Variants in SYN2 observed in about 807,000 individuals in gnomAD.
The protein encoded by SYN2 is synapsin-2.
A neutral mutation model predicts 50.9 loss-of-function variants in SYN2; 19 were observed. The observed-to-expected ratio is 0.37, with a 90% CI of 0.26 to 0.55. The LOEUF (loss-of-function observed/expected upper bound fraction) is 0.55, where lower values mean the gene tolerates loss of function less well. Among genes scored for constraint, SYN2 ranks in the 20% least tolerant of loss-of-function variants. The probability of loss-of-function intolerance (pLI) is 0.81; values close to 1 mark genes in which losing one functional copy is unlikely to be tolerated. For synonymous variants in SYN2, 255 were observed against 224.9 expected (o/e 1.13, Z -1.20); for missense variants, 587 against 576.4 (o/e 1.02, Z -0.19).
At chr3:12,095,680 C>T (rs892126929) in intron 1 of SYN2, among the ~76,000 whole-genome samples, 2 of 149,194 alleles carry the variant, frequency 1.3e-5, no homozygotes, top group African/African-American at 5.0e-5. Context: ...TCTTCTTTCC[C>T]CCTACTTGGT....
At chr3:12,120,685 C>T (rs1696536982) in intron 1 of SYN2, among the ~76,000 whole-genome samples, 1 of 152,170 alleles carries the variant, frequency 6.6e-6, no homozygotes, top group Non-Finnish European at 1.5e-5. Flanking sequence ...TTTTCACAGG[C>T]CTCTAGCCAC....
At chr3:12,152,140 C>G (rs1364037101) in intron 5 of SYN2, among the ~76,000 whole-genome samples, 1 of 152,158 alleles carries the variant, frequency 6.6e-6, no homozygotes, top group Non-Finnish European at 1.5e-5. Context: ...ACTTCCTTGG[C>G]CAAAAGGGGT....
At chr3:12,161,632 C>T (rs1697651982) in intron 6 of SYN2, 24 bp downstream of exon 6, 6 of 1,613,724 alleles carry the variant, frequency 3.7e-6, no homozygotes, top group Non-Finnish European at 5.1e-6. Context: ...GCCTGCTGTG[C>T]TTCAGGGTTG....
chr3:12,080,452 C>A (rs374459530), intron 1 of SYN2, among the ~76,000 whole-genome samples: 1 of 151,642 alleles, frequency 6.6e-6, no homozygotes, highest in Non-Finnish European at 1.5e-5. Flanking sequence ...GCTATAAATT[C>A]GCCTTTTAAC....
intron 1 of SYN2, among the ~76,000 whole-genome samples, chr3:12,096,418 C>G (rs913684445): frequency 6.6e-6 from 1 of 152,086 alleles, no homozygotes; most frequent in African/African-American, 2.4e-5. Context: ...TTCTGAGAAC[C>G]AGTCCAGAGC....
At chr3:12,021,178 T>G (rs1694126937) in intron 1 of SYN2, among the ~76,000 whole-genome samples, 1 of 152,208 alleles carries the variant, frequency 6.6e-6, no homozygotes, top group Non-Finnish European at 1.5e-5. Flanking sequence ...GACTTCCAAT[T>G]TTTCACCATT....
chr3:12,036,072 T>A (rs1694492254), intron 1 of SYN2, among the ~76,000 whole-genome samples: 1 of 152,220 alleles, frequency 6.6e-6, no homozygotes. Flanking sequence ...CCTGGAATTT[T>A]TCTTGAAGGA....
At chr3:12,116,069 A>G (rs1478273931) in intron 1 of SYN2, among the ~76,000 whole-genome samples, 3 of 152,300 alleles carry the variant, frequency 2.0e-5, no homozygotes, top group Admixed American at 6.5e-5. Context: ...CCCAGAAAAG[A>G]TAGGCACCAC....
intron 11 of SYN2, chr3:12,184,438 C>T: frequency 3.0e-6 from 3 of 985,892 alleles, no homozygotes; most frequent in Non-Finnish European, 3.6e-6. Context: ...GAAGGTCTGT[C>T]AGGGATTTGT....
chr3:12,159,152 T>C, intron 5 of SYN2: 1 of 375,304 alleles, frequency 2.7e-6, no homozygotes, highest in South Asian at 7.3e-5. Context: ...GGGGATGGTG[T>C]CAAGGGCAGA....
At chr3:12,088,364 C>T (rs552516121) in intron 1 of SYN2, among the ~76,000 whole-genome samples, 50 of 128,980 alleles carry the variant, frequency 3.9e-4, no homozygotes, top group African/African-American at 1.7e-3. Flanking sequence ...AGTGAGATAA[C>T]ATCTCATACC....
chr3:12,176,150 G>T (rs1698062201), intron 10 of SYN2, among the ~76,000 whole-genome samples: 1 of 152,126 alleles, frequency 6.6e-6, no homozygotes, highest in African/African-American at 2.4e-5. Flanking sequence ...GACTTTAGGG[G>T]TCTCTTGTCT....
chr3:12,106,314 A>G (rs1696189862), intron 1 of SYN2, among the ~76,000 whole-genome samples: 1 of 152,200 alleles, frequency 6.6e-6, no homozygotes, highest in Admixed American at 6.5e-5. Flanking sequence ...AGGGCTGTGT[A>G]ATTAGATGAG....
At chr3:12,037,863 C>T (rs775352573) in intron 1 of SYN2, among the ~76,000 whole-genome samples, 31 of 152,256 alleles carry the variant, frequency 2.0e-4, no homozygotes, top group Admixed American at 2.6e-4. Context: ...TGTGGCTTAT[C>T]TTTTCACTTT....
intron 5 of SYN2, among the ~76,000 whole-genome samples, chr3:12,155,635 C>T (rs1697432693): frequency 2.0e-5 from 3 of 152,196 alleles, no homozygotes; most frequent in Admixed American, 1.3e-4. Context: ...CTTTCAACAC[C>T]AGGCAAAGGA....
At chr3:12,085,905 G>C (rs1695690892) in intron 1 of SYN2, among the ~76,000 whole-genome samples, 1 of 151,824 alleles carries the variant, frequency 6.6e-6, no homozygotes, top group Non-Finnish European at 1.5e-5. Flanking sequence ...AATCAGAGCA[G>C]AAATAGATAA....
At position 12,130,298 on chromosome 3, in the gene SYN2, G is replaced by C. The variant is rs566327152; in HGVS notation, c.378-10353G>C. ...AATTGGCTTTCACAGTTATGAGGCT[G>C]AGAAGTCCCAAGATCTGCAGTGGGC... On this transcript the variant is annotated intron_variant, in intron 1 of 12. Coordinates refer to ENST00000621198, the MANE Select transcript of SYN2 (RefSeq NM_133625.6). Among the ~76,000 whole-genome samples, 27 of 152,128 alleles carry C rather than the reference G, an allele frequency of 1.8e-4. No individual in the cohort carries two copies. In the South Asian group the frequency reaches 2.1e-3, roughly 12 times the overall value.
At chr3:12,024,237 A>G (rs542982989) in intron 1 of SYN2, among the ~76,000 whole-genome samples, 14 of 145,786 alleles carry the variant, frequency 9.6e-5, no homozygotes, top group Admixed American at 3.7e-4. Context: ...GCTCACTGCA[A>G]CATCCACCTC....
chr3:12,028,182 A>G (rs1396339617), intron 1 of SYN2, among the ~76,000 whole-genome samples: 3 of 151,404 alleles, frequency 2.0e-5, no homozygotes, highest in African/African-American at 4.9e-5. Context: ...AATTTCATCC[A>G]TGTCCCTACA....
Sources: gnomAD v4.1 joint callset for allele counts (sites outside exome capture counted in the v4.1 genomes callset) on GRCh38, gnomAD v4.1.1 for gene constraint, MANE v1.5 for transcripts, NCBI Gene and HGNC (gene_info 2026-07-23, HGNC 2026-07-21) for gene names.